Variants in FCRL5 observed in about 807,000 individuals in gnomAD.
FCRL5 encodes Fc receptor-like protein 5.
In FCRL5, 79 loss-of-function variants were observed where a neutral mutation model predicts 92.1. That is an observed-to-expected ratio of 0.86 (90% CI 0.72 to 1.03). FCRL5 has a LOEUF of 1.03. Among genes scored for constraint, FCRL5 ranks in the 50% least tolerant of loss-of-function variants. The pLI, the probability that FCRL5 is intolerant of heterozygous loss-of-function variation, is 0.00. For synonymous variants in FCRL5, 466 were observed against 469.3 expected (o/e 0.99, Z 0.09); for missense variants, 1,160 against 1,181.1 (o/e 0.98, Z 0.26).
chr1:157,534,674 A>C lies in FCRL5; in HGVS notation c.1621T>G (p.Cys541Gly). 3.1e-6 allele frequency: 5 copies of C among 1,614,164 alleles called. No individual in the cohort carries two copies. Among genetic ancestry groups the C allele is most frequent in the Non-Finnish European group, 4.2e-6 (5 of 1,180,034 alleles). The change falls in exon 8 of 17, where the codon TGC (cysteine) becomes GGC (glycine). Residue 541 changes from cysteine (C) to glycine (G), a missense_variant. Physicochemically the swap from Cys to Gly is radical, Grantham distance 159 (BLOSUM62 -3). Transcript: ENST00000361835. ...GGACCAAAGCCATTGTCAGCTGTGC[A>C]GTAGTAATTCCCTGAATGTCCTTCA... The part of the protein sequence containing the change: ...LTEGHSGNYY[C>G]TADNGFGPQR...
chr1:157,552,332 C>T lies in FCRL5; in HGVS notation c.31G>A (p.Ala11Thr), dbSNP rs754564708. 9 of 1,613,884 alleles carry T rather than the reference C, an allele frequency of 5.6e-6. No individual in the cohort carries two copies. Among genetic ancestry groups the T allele is most frequent in the Middle Eastern group, 1.6e-4 (1 of 6,084 alleles). Residue 11 changes from alanine (A) to threonine (T), a missense_variant and splice_region_variant, in exon 1 of 17, where the codon GCT becomes ACT. By Grantham distance (58) the Ala-to-Thr change is moderately conservative. Coordinates refer to ENST00000361835, the MANE Select transcript of FCRL5 (RefSeq NM_031281.3). ...GCCCATGGTGAGCCCTTTTACTCAC[C>T]CAGGACCAGTAATATCACCCACAGC... MLLWVILLVL[A>T]PVSGQFARTP...
At chr1:157,519,699 G>A in intron 13 of FCRL5, 44 bp downstream of exon 13, 3 of 1,602,718 alleles carry the variant, frequency 1.9e-6, no homozygotes. Context: ...TTTCCACCCT[G>A]TGGACATTTC....
At chr1:157,525,487 C>T (rs1245219248) in intron 9 of FCRL5, among the ~76,000 whole-genome samples, 1 of 152,164 alleles carries the variant, frequency 6.6e-6, no homozygotes, top group Admixed American at 6.5e-5. Context: ...GATTTTGATC[C>T]TTCTTCACAG....
chr1:157,549,753 T>TAC (rs1558144668), intron 1 of FCRL5, among the ~76,000 whole-genome samples, 173 bp from the exon 2 acceptor site: 1 of 152,044 alleles, frequency 6.6e-6, no homozygotes, highest in Non-Finnish European at 1.5e-5. Flanking sequence ...TACATATATA[T>TAC]ACATATATAT....
intron 10 of FCRL5, chr1:157,522,865 T>C (rs1571078690): frequency 6.6e-6 from 1 of 152,330 alleles, no homozygotes; most frequent in East Asian, 1.9e-4. Context: ...GCTTGCTGTA[T>C]TGTGAGGAAA....
intron 9 of FCRL5, among the ~76,000 whole-genome samples, chr1:157,527,084 C>A (rs566944952): frequency 6.6e-6 from 1 of 152,230 alleles, no homozygotes; most frequent in South Asian, 2.1e-4. Flanking sequence ...CATGGAAGAT[C>A]TTGATGTTGC....
chr1:157,545,915 C>T (rs544595751), intron 3 of FCRL5, among the ~76,000 whole-genome samples: 17 of 152,226 alleles, frequency 1.1e-4, no homozygotes, highest in South Asian at 2.1e-4. Context: ...TCTTAAGAGA[C>T]GGATTGTTAA....
intron 8 of FCRL5, chr1:157,534,356 A>G: frequency 2.8e-6 from 2 of 713,416 alleles, no homozygotes; most frequent in Non-Finnish European, 2.6e-6. Context: ...TACTGTTGGA[A>G]CATACAAGGA....
At chr1:157,547,371 G>A (rs1651603113) in intron 2 of FCRL5, 174 bp from the exon 3 acceptor site, 2 of 847,982 alleles carry the variant, frequency 2.4e-6, no homozygotes, top group Non-Finnish European at 4.0e-6. Flanking sequence ...CCTCACCCAA[G>A]GGAGAAATTG....
intron 1 of FCRL5, 22 bp downstream of exon 1, chr1:157,552,310 C>T: frequency 1.2e-6 from 2 of 1,613,616 alleles, no homozygotes; most frequent in Non-Finnish European, 1.7e-6. Context: ...ACCCAGGGCC[C>T]ATGGTGAGCC....
In FCRL5 at chr1:157,542,853, G is replaced by A. The variant is rs1482851690; in HGVS notation, c.1123+6C>T. 3 of 1,609,646 alleles carry A rather than the reference G, an allele frequency of 1.9e-6. No homozygotes were observed. Among genetic ancestry groups the A allele is most frequent in the Non-Finnish European group, 2.5e-6 (3 of 1,178,080 alleles). ...GGTGGGTGATTGGCAGGAATGCAGGGCTTACCAGTGACTGAGAGGCTCACA... is the reference window on the plus strand; with the variant it reads ...GGTGGGTGATTGGCAGGAATGCAGGACTTACCAGTGACTGAGAGGCTCACA... On this transcript the variant is annotated splice_donor_region_variant and intron_variant, in intron 6 of 16. Transcript: ENST00000361835.
chr1:157,523,907 T>C (rs1029023721), intron 10 of FCRL5: 4 of 315,814 alleles, frequency 1.3e-5, no homozygotes, highest in African/African-American at 4.3e-5. Flanking sequence ...TAGAAGTCAA[T>C]GAGAGAAGAA....
At position 157,534,808 on chromosome 1, in the gene FCRL5, A is replaced by T; in HGVS notation, c.1487T>A (p.Val496Asp). ...EGATVTLHCE[V>D]QRGSPQILYQ... The stretch of plus-strand genomic sequence containing the variant: ...TAGGATTTGTGGGGAACCTCTCTGG[A>T]CTTCACAGTGAAGTGTCACAGTGGC... Residue 496 changes from valine to aspartate, a missense_variant, in exon 8 of 17, where the codon GTC becomes GAC. Coordinates refer to ENST00000361835, the MANE Select transcript of FCRL5 (RefSeq NM_031281.3). 1 of 1,609,746 alleles carries T rather than the reference A, an allele frequency of 6.2e-7. No individual in the cohort carries two copies. Among genetic ancestry groups the T allele is most frequent in the African/African-American group, 1.3e-5 (1 of 74,964 alleles).
chr1:157,551,869 G>T (rs1310539030), intron 1 of FCRL5, among the ~76,000 whole-genome samples: 1 of 152,080 alleles, frequency 6.6e-6, no homozygotes, highest in Admixed American at 6.6e-5. Context: ...TTGCTGCAGT[G>T]GTTTGCAATT....
At chr1:157,537,716 C>A (rs768460900) in intron 7 of FCRL5, among the ~76,000 whole-genome samples, 2 of 152,124 alleles carry the variant, frequency 1.3e-5, no homozygotes, top group Non-Finnish European at 2.9e-5. Flanking sequence ...CCCCGGACAC[C>A]CAGCTTTAAA....
intron 5 of FCRL5, among the ~76,000 whole-genome samples, chr1:157,543,538 C>A (rs1232193816): frequency 2.0e-5 from 3 of 152,176 alleles, no homozygotes; most frequent in Non-Finnish European, 4.4e-5. Context: ...GACTAGGAGA[C>A]CTGCCTGTGT....
intron 1 of FCRL5, among the ~76,000 whole-genome samples, chr1:157,550,144 C>T (rs1470686676): frequency 1.3e-5 from 2 of 152,024 alleles, no homozygotes; most frequent in Middle Eastern, 3.2e-3. Flanking sequence ...GGAGAAATGA[C>T]ATTGGTGCTC....
intron 12 of FCRL5, 92 bp from the exon 13 acceptor site, chr1:157,519,862 AGTTGCT>A: frequency 7.5e-7 from 1 of 1,328,512 alleles, no homozygotes. Flanking sequence ...AACTGCCAGG[AGTTGCT>A]GTCACTGAAG....
chr1:157,532,505 T>A (rs1650744212), intron 8 of FCRL5: 1 of 151,628 alleles, frequency 6.6e-6, no homozygotes, highest in Admixed American at 6.5e-5. Flanking sequence ...AAAATGATTG[T>A]TCCTTTACTT....
Sources: gnomAD v4.1 joint callset for allele counts (sites outside exome capture counted in the v4.1 genomes callset) on GRCh38, gnomAD v4.1.1 for gene constraint, MANE v1.5 for transcripts, NCBI Gene and HGNC (gene_info 2026-07-23, HGNC 2026-07-21) for gene names.